Variants in OTUD7A observed in about 807,000 individuals in gnomAD.
OTUD7A encodes the protein OTU domain-containing protein 7A.
OTUD7A carries 12 observed loss-of-function variants against 65.7 expected under a neutral mutation model. That is an observed-to-expected ratio of 0.18 (90% CI 0.12 to 0.30). The LOEUF (loss-of-function observed/expected upper bound fraction) is 0.30. Ranked by LOEUF, OTUD7A falls within the 10% of genes least tolerant of loss-of-function variation. The pLI, the probability that OTUD7A is intolerant of heterozygous loss-of-function variation, is 1.00. For missense variants in OTUD7A, 1,148 were observed against 1,304.8 expected (o/e 0.88, Z 1.85); for synonymous variants, 641 against 586.3 (o/e 1.09, Z -1.35).
chr15:31,558,744 G>A (rs972971702), intron 5 of OTUD7A: 20 of 593,378 alleles, frequency 3.4e-5, no homozygotes, highest in Admixed American at 8.9e-5. Flanking sequence ...GGGAAAACTC[G>A]AGAGATTTCA....
chr15:31,860,156 A>G (rs1897681488), intron 1 of OTUD7A, among the ~76,000 whole-genome samples: 1 of 152,212 alleles, frequency 6.6e-6, no homozygotes, highest in African/African-American at 2.4e-5. Flanking sequence ...AAATCTATGG[A>G]ATGGAAAATC....
chr15:31,757,615 A>C (rs1034886620), intron 1 of OTUD7A, among the ~76,000 whole-genome samples: 2 of 149,454 alleles, frequency 1.3e-5, no homozygotes, highest in African/African-American at 4.8e-5. Flanking sequence ...TTGTATTCCC[A>C]TGAATTGTAC....
chr15:31,620,406 T>C (rs1379991775), intron 3 of OTUD7A, among the ~76,000 whole-genome samples: 2 of 152,136 alleles, frequency 1.3e-5, no homozygotes, highest in African/African-American at 4.8e-5. Context: ...CTGGACTTTT[T>C]TTGGTTGGTA....
At chr15:31,777,177 C>T (rs991080875) in intron 1 of OTUD7A, among the ~76,000 whole-genome samples, 5 of 152,224 alleles carry the variant, frequency 3.3e-5, no homozygotes, top group South Asian at 2.1e-4. Flanking sequence ...GGTTCATACA[C>T]GGTGACTTCT....
chr15:31,863,280 G>C (rs955140310), intron 1 of OTUD7A, among the ~76,000 whole-genome samples: 1 of 152,144 alleles, frequency 6.6e-6, no homozygotes, highest in African/African-American at 2.4e-5. Context: ...TCTGGAAGAT[G>C]GTGGCCCTCT....
chr15:31,778,211 G>A (rs563706078), intron 1 of OTUD7A, among the ~76,000 whole-genome samples: 2 of 152,322 alleles, frequency 1.3e-5, no homozygotes, highest in South Asian at 4.1e-4. Flanking sequence ...CCCATACCTT[G>A]TCTACAAGGC....
chr15:31,712,100 G>C (rs1893461877), intron 1 of OTUD7A, among the ~76,000 whole-genome samples: 1 of 151,966 alleles, frequency 6.6e-6, no homozygotes, highest in South Asian at 2.1e-4. Context: ...CAGAGGGTCA[G>C]TAGTTAACTG....
At chr15:31,817,364 C>T (rs1490125797) in intron 1 of OTUD7A, among the ~76,000 whole-genome samples, 1 of 151,458 alleles carries the variant, frequency 6.6e-6, no homozygotes. Context: ...AAAATAACTC[C>T]ATTCTAAGGA....
At chr15:31,491,560 G>T (rs751086424) in intron 10 of OTUD7A, among the ~76,000 whole-genome samples, 1 of 152,210 alleles carries the variant, frequency 6.6e-6, no homozygotes, top group Non-Finnish European at 1.5e-5. Flanking sequence ...AATCCCAGAA[G>T]AGGGAAAGAA....
chr15:31,670,741 C>T (rs1382389855), intron 1 of OTUD7A, among the ~76,000 whole-genome samples: 2 of 152,166 alleles, frequency 1.3e-5, no homozygotes, highest in East Asian at 1.9e-4. Flanking sequence ...CCTGTAATCC[C>T]AGCACTTTGG....
chr15:31,548,497 G>T (rs1396048249), intron 5 of OTUD7A, among the ~76,000 whole-genome samples: 3 of 152,092 alleles, frequency 2.0e-5, no homozygotes, highest in Non-Finnish European at 4.4e-5. Flanking sequence ...GAGGTCTCGT[G>T]GCATGGGCAG....
chr15:31,801,671 T>A lies in OTUD7A; in HGVS notation c.-100+68836A>T, dbSNP rs191405944. ...TCTGCTACATTTCTACATTGTGCTG[T>A]GTGTATGTGTGTATGCAAGAAATAT... On this transcript the variant is annotated intron_variant, in intron 1 of 12. Coordinates refer to ENST00000307050, the MANE Select transcript of OTUD7A (RefSeq NM_001382637.1). Among the ~76,000 whole-genome samples the A allele has an allele frequency of 8.5e-4, 129 of 152,286 alleles. 1 individual carries two copies. Among genetic ancestry groups the A allele is most frequent in the African/African-American group, 3.0e-3 (126 of 41,580 alleles).
chr15:31,605,967 G>A (rs995533264), intron 3 of OTUD7A, among the ~76,000 whole-genome samples: 1 of 152,176 alleles, frequency 6.6e-6, no homozygotes, highest in Non-Finnish European at 1.5e-5. Context: ...AACATCAACA[G>A]GCCTTTCTGT....
At chr15:31,854,124 C>T (rs2141008176) in intron 1 of OTUD7A, among the ~76,000 whole-genome samples, 1 of 152,316 alleles carries the variant, frequency 6.6e-6, no homozygotes, top group African/African-American at 2.4e-5. Context: ...TAGCTGTTGG[C>T]AGGGCTGCAT....
At chr15:31,773,271 TCAGTC>T (rs750482969) in intron 1 of OTUD7A, among the ~76,000 whole-genome samples, 2 of 152,248 alleles carry the variant, frequency 1.3e-5, no homozygotes, top group Non-Finnish European at 2.9e-5. Context: ...TCTTCCACAC[TCAGTC>T]TAGTTAGTTC....
chr15:31,592,907 ATATATATAT>A lies in OTUD7A; in HGVS notation c.152-22719_152-22711del, dbSNP rs1889784362. On this transcript the variant is annotated intron_variant, in intron 3 of 12. Coordinates refer to ENST00000307050, the MANE Select transcript of OTUD7A (RefSeq NM_001382637.1). ...AAAAAAAAAAAAAAAAAAAAAAAAT[ATATATATAT>A]ATATATATATATATATATATGTATA... Among the ~76,000 whole-genome samples the A allele has an allele frequency of 9.1e-3, 443 of 48,888 alleles. 10 individuals carry two copies. Among genetic ancestry groups the A allele is most frequent in the East Asian group, 0.014 (19 of 1,400 alleles). 32.1% of individuals were successfully genotyped at this position (48,888 alleles called of 152,430 possible). A position where few individuals can be genotyped will look rare whatever the true frequency, so the allele number is the denominator to read the frequency against.
chr15:31,555,813 G>GCA (rs1276092245), intron 5 of OTUD7A, among the ~76,000 whole-genome samples: 1 of 149,516 alleles, frequency 6.7e-6, no homozygotes, highest in Non-Finnish European at 1.5e-5. Flanking sequence ...CTCTGAGGGA[G>GCA]CACACACACA....
At chr15:31,601,705 G>A (rs7182770) in intron 3 of OTUD7A, among the ~76,000 whole-genome samples, 6,958 of 152,062 alleles carry the variant, frequency 0.046, 299 homozygotes, top group African/African-American at 0.12. Flanking sequence ...AAAATAGACC[G>A]CTAGCCAGAC....
chr15:31,642,285 T>C (rs972424889), intron 3 of OTUD7A, among the ~76,000 whole-genome samples: 1 of 152,228 alleles, frequency 6.6e-6, no homozygotes, highest in African/African-American at 2.4e-5. Flanking sequence ...TGAGGTAGTA[T>C]CCTTTTTATA....
Sources: gnomAD v4.1 joint callset for allele counts (sites outside exome capture counted in the v4.1 genomes callset) on GRCh38, gnomAD v4.1.1 for gene constraint, MANE v1.5 for transcripts, NCBI Gene and HGNC (gene_info 2026-07-23, HGNC 2026-07-21) for gene names.